Variants in CA5A observed in about 807,000 individuals in gnomAD.
The protein encoded by CA5A is carbonic anhydrase 5A.
In CA5A, 28 loss-of-function variants were observed where a neutral mutation model predicts 37.1. The ratio of observed to expected loss-of-function variants is 0.75; its 90% CI spans 0.56 to 1.03. CA5A has a LOEUF of 1.03. Ranked by LOEUF, CA5A falls within the 50% of genes least tolerant of loss-of-function variation. The probability of loss-of-function intolerance (pLI) is 0.00; values close to 1 mark genes in which losing one functional copy is unlikely to be tolerated. For synonymous variants in CA5A, 171 were observed against 158.4 expected (o/e 1.08, Z -0.60); for missense variants, 444 against 399.9 (o/e 1.11, Z -0.94).
intron 5 of CA5A, chr16:87,893,424 G>T (rs571526415): frequency 1.2e-5 from 6 of 508,570 alleles, no homozygotes; most frequent in Admixed American, 2.2e-5. Context: ...ACCACGCCCG[G>T]CTTGCCTGGA....
At position 87,916,530 on chromosome 16, in the gene CA5A, G is replaced by C. The variant is rs139112409; in HGVS notation, c.340+10218C>G. ...CACAACCTCCCTCAGTGGAGTCACC[G>C]CTGGCCTATCACCTGCTTTCATTTT... is the stretch of plus-strand genomic sequence containing the variant. On this transcript the variant is annotated intron_variant, in intron 2 of 6. Coordinates refer to ENST00000649794, the MANE Select transcript of CA5A (RefSeq NM_001739.2). Among the ~76,000 whole-genome samples the C allele has an allele frequency of 8.9e-3, 1,362 of 152,238 alleles. 11 individuals are homozygous for C. Among genetic ancestry groups the C allele is most frequent in the Middle Eastern group, 0.02 (6 of 294 alleles).
At chr16:87,890,858 G>A (rs1218527027) in intron 6 of CA5A, among the ~76,000 whole-genome samples, 1 of 150,830 alleles carries the variant, frequency 6.6e-6, no homozygotes, top group Non-Finnish European at 1.5e-5. Flanking sequence ...GCAGTGGCGT[G>A]ATCTCAGCTC....
At chr16:87,895,125 CTGTGGTCCCAGGTAG>C (rs2055783766) in intron 5 of CA5A, among the ~76,000 whole-genome samples, 2 of 152,152 alleles carry the variant, frequency 1.3e-5, no homozygotes, top group Non-Finnish European at 2.9e-5. Flanking sequence ...TGGTGCACGC[CTGTGGTCCCAGGTAG>C]TTGGGAGGCT....
rs763915021 is a variant in CA5A at position 87,925,938 on chromosome 16, G to A, written c.340+810C>T. ...TGTGGGATGCATTTAAAAGGTCAGCGAGGGCCGGGCGCGGTGGCTCACGCC... is the reference window on the plus strand; with the variant it reads ...TGTGGGATGCATTTAAAAGGTCAGCAAGGGCCGGGCGCGGTGGCTCACGCC... On this transcript the variant is annotated intron_variant, in intron 2 of 6. Transcript: ENST00000649794. 1.7e-4 allele frequency among the ~76,000 whole-genome samples: 26 copies of A among 152,152 alleles called. 1 individual carries two copies. Among genetic ancestry groups the A allele is most frequent in the Admixed American group, 8.5e-4 (13 of 15,270 alleles).
chr16:87,901,652 G>C (rs531052896), intron 5 of CA5A, among the ~76,000 whole-genome samples: 2 of 150,598 alleles, frequency 1.3e-5, no homozygotes, highest in Non-Finnish European at 2.9e-5. Context: ...GCAATGACAC[G>C]ATCTCAGCTC....
At chr16:87,898,192 C>A (rs1423236331) in intron 5 of CA5A, among the ~76,000 whole-genome samples, 3 of 152,198 alleles carry the variant, frequency 2.0e-5, no homozygotes, top group Non-Finnish European at 4.4e-5. Flanking sequence ...ATGGGGACTA[C>A]GTGACTCTGG....
At chr16:87,902,021 G>A (rs547116284) in intron 4 of CA5A, 47 bp from the exon 5 acceptor site, 24 of 1,532,128 alleles carry the variant, frequency 1.6e-5, no homozygotes, top group South Asian at 3.4e-5. Flanking sequence ...CAGTGGATGG[G>A]GGGGGAAGCT....
chr16:87,884,830 C>T (rs1320065836), downstream of CA5A: 1 of 152,108 alleles, frequency 6.6e-6, no homozygotes, highest in African/African-American at 2.4e-5. Flanking sequence ...GAAAGGGCAC[C>T]TATTGGCTTG....
chr16:87,894,175 C>G (rs534578481), intron 5 of CA5A, among the ~76,000 whole-genome samples: 39 of 152,046 alleles, frequency 2.6e-4, no homozygotes, highest in African/African-American at 8.9e-4. Flanking sequence ...GTCTTCCAGG[C>G]TGGAGTGCCG....
At position 87,915,526 on chromosome 16, in the gene CA5A, ATTTTTTTT is replaced by A. The variant is rs59358304; in HGVS notation, c.341-10630_341-10623del. On this transcript the variant is annotated intron_variant, in intron 2 of 6. Coordinates refer to ENST00000649794, the MANE Select transcript of CA5A (RefSeq NM_001739.2). ...CAACAGTACCAGATCCTGTGTCAAA[ATTTTTTTT>A]TTTTTTTTTTTTTTTTTTGTGGCTC... Among the ~76,000 whole-genome samples, 516 of 73,022 alleles carry A rather than the reference ATTTTTTTT, an allele frequency of 7.1e-3. 3 individuals carry two copies. The highest frequency in any genetic ancestry group is 0.025 in the African/African-American group (482 of 19,122). 47.9% of individuals were successfully genotyped at this position (73,022 alleles called of 152,430 possible).
Position 87,896,709 on chromosome 16 carries a change from C to T in CA5A, c.619-4755G>A, listed in dbSNP as rs187925718. The stretch of plus-strand genomic sequence containing the variant: ...AGGCTGGAGTGCAATGGCACGATCT[C>T]GGCTCACCACAACCTCCACCGCCCA... On this transcript the variant is annotated intron_variant, in intron 5 of 6. Transcript: ENST00000649794. Among the ~76,000 whole-genome samples the T allele has an allele frequency of 1.3e-3, 198 of 152,314 alleles. 1 individual carries two copies. The highest frequency in any genetic ancestry group is 4.4e-3 in the African/African-American group (185 of 41,582).
At chr16:87,915,134 C>G (rs148247908) in intron 2 of CA5A, among the ~76,000 whole-genome samples, 1 of 152,214 alleles carries the variant, frequency 6.6e-6, no homozygotes, top group Non-Finnish European at 1.5e-5. Context: ...TTGCAGCGCA[C>G]GTCCGACCAC....
At chr16:87,916,296 C>A (rs917998053) in intron 2 of CA5A, among the ~76,000 whole-genome samples, 7 of 152,152 alleles carry the variant, frequency 4.6e-5, no homozygotes, top group African/African-American at 2.4e-5. Context: ...GCCTGGCCCA[C>A]ATGGTGAAAC....
At chr16:87,893,957 C>T (rs1054531016) in intron 5 of CA5A, among the ~76,000 whole-genome samples, 5 of 152,040 alleles carry the variant, frequency 3.3e-5, no homozygotes, top group African/African-American at 7.3e-5. Flanking sequence ...GGGGGTCTTG[C>T]CATCTTGCCC....
chr16:87,898,897 G>A (rs2055839111), intron 5 of CA5A, among the ~76,000 whole-genome samples: 1 of 152,040 alleles, frequency 6.6e-6, no homozygotes, highest in Non-Finnish European at 1.5e-5. Flanking sequence ...ACGATACCCA[G>A]CTAATTTTTG....
At chr16:87,914,665 G>T (rs2056105736) in intron 2 of CA5A, among the ~76,000 whole-genome samples, 1 of 151,778 alleles carries the variant, frequency 6.6e-6, no homozygotes, top group African/African-American at 2.4e-5. Context: ...TACTGGCACA[G>T]CAACACGAGG....
At chr16:87,884,878 T>C (rs1245430022), downstream of CA5A, 5 of 152,138 alleles carry the variant, frequency 3.3e-5, no homozygotes, top group African/African-American at 9.7e-5. Context: ...ATAAGCTTGA[T>C]CCAGACCCGA....
At chr16:87,908,209 G>C (rs142568824) in intron 2 of CA5A, among the ~76,000 whole-genome samples, 1 of 152,330 alleles carries the variant, frequency 6.6e-6, no homozygotes, top group African/African-American at 2.4e-5. Flanking sequence ...AATAGTTAAA[G>C]ACCTGGATTT....
At chr16:87,908,322 A>T (rs192953983) in intron 2 of CA5A, among the ~76,000 whole-genome samples, 35 of 152,192 alleles carry the variant, frequency 2.3e-4, no homozygotes, top group African/African-American at 8.2e-4. Flanking sequence ...GGCGGGCAGG[A>T]TAAATGGAGA....
Sources: gnomAD v4.1 joint callset for allele counts (sites outside exome capture counted in the v4.1 genomes callset) on GRCh38, gnomAD v4.1.1 for gene constraint, MANE v1.5 for transcripts, NCBI Gene and HGNC (gene_info 2026-07-23, HGNC 2026-07-21) for gene names.